Variants in PEMT observed in about 807,000 individuals in gnomAD.
The protein encoded by PEMT is phospholipid methyltransferase.
PEMT carries 23 observed loss-of-function variants against 27.4 expected under a neutral mutation model. The ratio of observed to expected loss-of-function variants is 0.84; its 90% CI spans 0.60 to 1.19. The LOEUF (loss-of-function observed/expected upper bound fraction) is 1.19. Ranked by LOEUF, PEMT falls within the 50% of genes most tolerant of loss-of-function variation. The pLI is 0.00. For synonymous variants in PEMT, 137 were observed against 139.1 expected, an observed-to-expected ratio of 0.98 and a Z score of 0.11; for missense variants, 307 against 310.1, an observed-to-expected ratio of 0.99 and a Z score of 0.07.
chr17:17,591,109 CCTT>C (rs1474140849), intron 1 of PEMT, among the ~76,000 whole-genome samples: 2 of 152,170 alleles, frequency 1.3e-5, no homozygotes, highest in East Asian at 1.9e-4. Context: ...TAATCGGCCT[CCTT>C]CACCCTCGCC....
chr17:17,532,307 C>T (rs1908158261), intron 2 of PEMT, among the ~76,000 whole-genome samples: 1 of 152,098 alleles, frequency 6.6e-6, no homozygotes, highest in Non-Finnish European at 1.5e-5. Flanking sequence ...CCTAAGGAAT[C>T]CACTAAAAAA....
chr17:17,535,589 A>G (rs1385976670), intron 2 of PEMT, among the ~76,000 whole-genome samples: 1 of 151,416 alleles, frequency 6.6e-6, no homozygotes, highest in Non-Finnish European at 1.5e-5. Flanking sequence ...AAAAGTCCTT[A>G]CTTGTTAGAG....
chr17:17,586,273 A>G lies in PEMT; in HGVS notation c.96+5258T>C, dbSNP rs1292525112. Among the ~76,000 whole-genome samples the G allele has an allele frequency of 1.7e-4, 20 of 115,108 alleles. 1 individual carries two copies. Among genetic ancestry groups the G allele is most frequent in the African/African-American group, 7.4e-4 (17 of 23,012 alleles). The allele number at this position is 115,108 out of a possible 152,430, so 75.5% of individuals were successfully genotyped here. On this transcript the variant is annotated intron_variant, in intron 1 of 6. Coordinates refer to ENST00000255389, the MANE Select transcript of PEMT (RefSeq NM_148172.3). ...GAAAGAAAGAAAGAAAGAAAGAAAG[A>G]AAGAAAGAAAGAAAGAAAAAAAAAA...
rs1567680204 is a variant in PEMT, at chr17:17,523,838, A to C, written c.205-1443T>G. 6.6e-6 allele frequency among the ~76,000 whole-genome samples: 1 copy of C among 152,098 alleles called. No homozygotes were observed. The highest frequency in any genetic ancestry group is 1.9e-4 in the East Asian group (1 of 5,196). ...TGTTCCAATTCTGAGATAAAATTCA[A>C]AGTAGTTTTTAGCTATGCAACCATC... On this transcript the variant is annotated intron_variant, in intron 2 of 6. Coordinates refer to ENST00000255389, the MANE Select transcript of PEMT (RefSeq NM_148172.3). The surrounding 1 kb of genome is among the most constrained non-coding windows in gnomAD (Gnocchi z 4.8).
chr17:17,586,212 AAGAAAAAGAAAGAAAGAAAGAAAGAAAG>A, intron 1 of PEMT, among the ~76,000 whole-genome samples: 1 of 137,562 alleles, frequency 7.3e-6, no homozygotes, highest in Non-Finnish European at 1.5e-5. Context: ...GAAAGAAAGA[AAGAAAAAGAAAGAAAGAAAGAAAGAAAG>A]AAAGAAAGAA....
In PEMT at chr17:17,505,716, C is replaced by T. The variant is rs755891354; in HGVS notation, c.*75G>A. 9.2e-5 allele frequency: 134 copies of T among 1,458,158 alleles called. No individual in the cohort carries two copies. The highest frequency in any genetic ancestry group is 1.1e-4 in the Non-Finnish European group (124 of 1,098,056). 90.3% of individuals were successfully genotyped at this position (1,458,158 alleles called of 1,614,324 possible). On this transcript the variant is annotated 3_prime_UTR_variant, in exon 7 of 7. Coordinates refer to ENST00000255389, the MANE Select transcript of PEMT (RefSeq NM_148172.3). The stretch of plus-strand genomic sequence containing the variant: ...AGCCCTGAGCAGCAGGCACCATTCT[C>T]GCCCTGCGCAGGGCCTGCCACTTGG...
At chr17:17,590,988 G>A (rs919262531) in intron 1 of PEMT, among the ~76,000 whole-genome samples, 1 of 152,132 alleles carries the variant, frequency 6.6e-6, no homozygotes, top group African/African-American at 2.4e-5. Context: ...CCCAGGGCCG[G>A]CTGGGAGACA....
At chr17:17,563,086 G>A (rs978883066) in intron 2 of PEMT, among the ~76,000 whole-genome samples, 2 of 152,210 alleles carry the variant, frequency 1.3e-5, no homozygotes, top group South Asian at 4.1e-4. Flanking sequence ...GCCTGGCCGA[G>A]GCTCCAAGAT....
In PEMT at chr17:17,512,710, C is replaced by G. The variant is rs969255272; in HGVS notation, c.321-56G>C. On this transcript the variant is annotated intron_variant, in intron 3 of 6. Coordinates refer to ENST00000255389, the MANE Select transcript of PEMT (RefSeq NM_148172.3). This position sits in a 1 kb window ranked among gnomAD's most constrained non-coding sequence, Gnocchi z 6.3. ...CATGGCCAGGGAGGATGTCACAGCC[C>G]GGGAGGAGGCCGACCTCATCTTCTC... 1.4e-6 allele frequency: 2 copies of G among 1,431,508 alleles called. No individual in the cohort carries two copies. Among genetic ancestry groups the G allele is most frequent in the East Asian group, 2.6e-5 (1 of 38,154 alleles). 88.7% of individuals were successfully genotyped at this position (1,431,508 alleles called of 1,614,324 possible).
intron 1 of PEMT, among the ~76,000 whole-genome samples, chr17:17,588,522 C>G (rs7214988): frequency 0.16 from 24,064 of 152,056 alleles, 3,890 homozygotes; most frequent in African/African-American, 0.42. Flanking sequence ...AAGCTTTACA[C>G]CCCTCATCTC....
intron 1 of PEMT, chr17:17,578,537 T>G (rs569389459): frequency 6.6e-6 from 1 of 152,028 alleles, no homozygotes; most frequent in African/African-American, 2.4e-5. Context: ...AATAAAAAAC[T>G]TTTTCTAAAA....
intron 2 of PEMT, among the ~76,000 whole-genome samples, chr17:17,533,807 T>C (rs1343635555): frequency 6.6e-6 from 1 of 151,954 alleles, no homozygotes; most frequent in Non-Finnish European, 1.5e-5. Flanking sequence ...CTCGGCTCAC[T>C]GCAACCTCCG....
At chr17:17,577,987 A>C (rs1295213058) in intron 1 of PEMT, among the ~76,000 whole-genome samples, 5 of 146,996 alleles carry the variant, frequency 3.4e-5, no homozygotes, top group African/African-American at 1.3e-4. Flanking sequence ...ACTGCACTCC[A>C]GCCTGGGCAA....
intron 2 of PEMT, among the ~76,000 whole-genome samples, chr17:17,536,729 C>A (rs1908500772): frequency 6.6e-6 from 1 of 152,220 alleles, no homozygotes; most frequent in African/African-American, 2.4e-5. Flanking sequence ...CTACACCTGC[C>A]CGTCCACCAG....
At chr17:17,579,227 G>A (rs1179837533) in intron 1 of PEMT, among the ~76,000 whole-genome samples, 1 of 152,224 alleles carries the variant, frequency 6.6e-6, no homozygotes, top group Non-Finnish European at 1.5e-5. Flanking sequence ...TGCAGGGTGT[G>A]ACCATGGGAT....
At chr17:17,571,305 G>C (rs1045686138) in intron 2 of PEMT, among the ~76,000 whole-genome samples, 1 of 152,088 alleles carries the variant, frequency 6.6e-6, no homozygotes, top group Non-Finnish European at 1.5e-5. Flanking sequence ...GAAAAGCATC[G>C]TGGCGCACAG....
intron 2 of PEMT, among the ~76,000 whole-genome samples, chr17:17,532,995 C>G (rs1167064101): frequency 1.3e-5 from 2 of 152,178 alleles, no homozygotes; most frequent in African/African-American, 4.8e-5. Context: ...CTATCGCACT[C>G]CAGCCTGGGT....
At chr17:17,543,491 C>T (rs943031583) in intron 2 of PEMT, among the ~76,000 whole-genome samples, 4 of 152,184 alleles carry the variant, frequency 2.6e-5, no homozygotes, top group Admixed American at 2.6e-4. Flanking sequence ...CCCGGGCCCT[C>T]TGCCTGAAGC....
chr17:17,576,521 G>A (rs1024387649), intron 2 of PEMT, among the ~76,000 whole-genome samples: 1 of 152,238 alleles, frequency 6.6e-6, no homozygotes, highest in Admixed American at 6.5e-5. Flanking sequence ...CAAGCAAGTG[G>A]CTTTACTGTG....
Sources: gnomAD v4.1 joint callset for allele counts (sites outside exome capture counted in the v4.1 genomes callset) on GRCh38, gnomAD v4.1.1 for gene constraint, Gnocchi (gnomAD v3.1) non-coding constraint, MANE v1.5 for transcripts, NCBI Gene and HGNC (gene_info 2026-07-23, HGNC 2026-07-21) for gene names.